The following ICMT variants were observed in gnomAD, a reference collection of about 807,000 sequenced individuals.
ICMT encodes protein-S-isoprenylcysteine O-methyltransferase.
Under a neutral mutation model 32.2 loss-of-function variants are expected in ICMT, and 10 were observed. That is an observed-to-expected ratio of 0.31 (90% CI 0.19 to 0.53). The LOEUF is 0.53. Among genes scored for constraint, ICMT ranks in the 20% least tolerant of loss-of-function variants. ICMT has a pLI of 0.96. For synonymous variants in ICMT, 183 were observed against 158.2 expected, an observed-to-expected ratio of 1.16 and a Z score of -1.18; for missense variants, 265 against 356.9, an observed-to-expected ratio of 0.74 and a Z score of 2.07.
chr1:6,225,374 G>A, intron 4 of ICMT, 112 bp from the exon 5 acceptor site: 5 of 995,012 alleles, frequency 5.0e-6, no homozygotes, highest in Non-Finnish European at 7.5e-6. Context: ...GCCCTGCTGA[G>A]ACCGTCAGGG....
intron 4 of ICMT, among the ~76,000 whole-genome samples, chr1:6,225,646 G>GGCCTCTGCCTCCTAAACCCACA (rs1250787980): frequency 6.6e-6 from 1 of 151,948 alleles, no homozygotes; most frequent in Non-Finnish European, 1.5e-5. Flanking sequence ...CAGCTGCCTG[G>GGCCTCTGCCTCCTAAACCCACA]GCCTCTGCCT....
At chr1:6,226,165 G>T (rs1390199488) in intron 4 of ICMT, among the ~76,000 whole-genome samples, 1 of 152,164 alleles carries the variant, frequency 6.6e-6, no homozygotes, top group Non-Finnish European at 1.5e-5. Context: ...GGAGGCCAAG[G>T]AGGGCAGATC....
rs562770260 is a variant in ICMT at position 6,227,555 on chromosome 1, C to G, written c.673-2293G>C. Among the ~76,000 whole-genome samples the G allele has an allele frequency of 2.0e-5, 3 of 152,294 alleles. No individual in the cohort carries two copies. The Middle Eastern group carries it at 0.01, about 522-fold the overall frequency. On this transcript the variant is annotated intron_variant, in intron 4 of 4. Transcript: ENST00000343813. ...GGACCAAGAGTAAAGAATCAAGAAA[C>G]AGTTTCAAGAAATAAGGCGGCCAGG...
rs778096256 is a variant in ICMT, at chr1:6,224,021, TGA to T, written c.*1057_*1058del. 3 of 152,204 alleles carry T rather than the reference TGA, an allele frequency of 2.0e-5. No individual in the cohort carries two copies. Among genetic ancestry groups the T allele is most frequent in the Admixed American group, 6.5e-5 (1 of 15,282 alleles). The allele number at this position is 152,204 out of a possible 1,614,324, so 9.4% of individuals were successfully genotyped here. A position where few individuals can be genotyped will look rare whatever the true frequency, so the allele number is the denominator to read the frequency against. The stretch of plus-strand genomic sequence containing the variant: ...TATTTGCAGTATTTAAGATTATTTT[TGA>T]GAGTCAATCTGCTTGGATTTGTAGT... On this transcript the variant is annotated 3_prime_UTR_variant, in exon 5 of 5. Coordinates refer to ENST00000343813, the MANE Select transcript of ICMT (RefSeq NM_012405.4).
In ICMT at chr1:6,233,470, G is replaced by A. The variant is rs774715827; in HGVS notation, c.454+4C>T. The A allele has an allele frequency of 4.3e-6, 7 of 1,612,204 alleles. No individual in the cohort carries two copies. The highest frequency in any genetic ancestry group is 2.2e-5 in the East Asian group (1 of 44,862). ...CTCCAGAGGGGGACATAAGGCACAC[G>A]AACCTGGCCAAAAGATATTTTCAAG... On this transcript the variant is annotated splice_donor_region_variant and intron_variant, in intron 3 of 4. Transcript: ENST00000343813.
intron 4 of ICMT, among the ~76,000 whole-genome samples, chr1:6,229,664 G>A (rs1045434077): frequency 6.6e-6 from 1 of 151,800 alleles, no homozygotes; most frequent in Non-Finnish European, 1.5e-5. Context: ...AAGGTGGGAG[G>A]ATCACTTGAG....
intron 4 of ICMT, among the ~76,000 whole-genome samples, chr1:6,227,804 C>G (rs1025661102): frequency 6.6e-6 from 1 of 150,628 alleles, no homozygotes; most frequent in African/African-American, 2.4e-5. Flanking sequence ...TGCAGTGAGC[C>G]GAGATTGCGC....
intron 4 of ICMT, among the ~76,000 whole-genome samples, chr1:6,227,912 A>AAT (rs138432522): frequency 0.01 from 1,566 of 152,258 alleles, 17 homozygotes; most frequent in African/African-American, 0.035. Flanking sequence ...TCATGCCTGT[A>AAT]ATCCCAGCAT....
rs777396092 is a variant in ICMT, at chr1:6,225,262, C to T, written c.673G>A (p.Val225Met). 4.3e-6 allele frequency: 7 copies of T among 1,612,118 alleles called. No individual in the cohort carries two copies. Among genetic ancestry groups the T allele is most frequent in the East Asian group, 2.2e-5 (1 of 44,864 alleles). The stretch of plus-strand genomic sequence containing the variant: ...CCGCAGATGGGGTTACACAGCATCA[C>T]CTAACAGAGGGAGACACCAGGCTCA... Reference protein sequence around the residue: ...GWFYWSIGTQVMLCNPICGVS... With the variant: ...GWFYWSIGTQMMLCNPICGVS... Residue 225 changes from valine (V) to methionine (M), a missense_variant and splice_region_variant, in exon 5 of 5, where the codon GTG becomes ATG. Physicochemically the swap from Val to Met is conservative, Grantham distance 21 (BLOSUM62 1). Coordinates refer to ENST00000343813, the MANE Select transcript of ICMT (RefSeq NM_012405.4).
intron 1 of ICMT, 74 bp downstream of exon 1, chr1:6,235,643 A>G: frequency 4.0e-6 from 4 of 1,012,420 alleles, no homozygotes; most frequent in Non-Finnish European, 3.7e-6. Flanking sequence ...CCCGGGGAGA[A>G]AGGTGCCCAC....
intron 4 of ICMT, among the ~76,000 whole-genome samples, chr1:6,228,323 A>G (rs75967030): frequency 0.011 from 1,618 of 149,474 alleles, 15 homozygotes; most frequent in Non-Finnish European, 0.013. Flanking sequence ...GGTTCTCACT[A>G]TGTTGGCCAA....
At chr1:6,235,619 GA>G in intron 1 of ICMT, 97 bp downstream of exon 1, 1 of 804,740 alleles carries the variant, frequency 1.2e-6, no homozygotes, top group Non-Finnish European at 1.6e-6. Flanking sequence ...GCGCGCGTGG[GA>G]GGCCACTGCG....
At chr1:6,230,660 C>T (rs1242721165) in intron 4 of ICMT, among the ~76,000 whole-genome samples, 4 of 147,216 alleles carry the variant, frequency 2.7e-5, no homozygotes, top group Non-Finnish European at 5.9e-5. Context: ...GAGGCCGAGG[C>T]GGGCAGATCA....
chr1:6,233,695 C>T, intron 2 of ICMT, 52 bp from the exon 3 acceptor site: 1 of 1,480,000 alleles, frequency 6.8e-7, no homozygotes, highest in Non-Finnish European at 9.3e-7. Context: ...CCAAGTTAAC[C>T]ATAAGTGCAC....
At position 6,235,791 on chromosome 1, in the gene ICMT, G is replaced by C; in HGVS notation, c.121C>G (p.Arg41Gly). The change falls in exon 1 of 5, where the codon CGC becomes GGC. Residue 41 changes from arginine to glycine, a missense_variant. By Grantham distance (125) the Arg-to-Gly change is moderately radical. This residue lies in a region of ICMT where 99 missense variants were observed against 92.6 expected (regional missense o/e 1.07). Transcript: ENST00000343813. The part of the protein sequence containing the change: ...PLLTRAGLQG[R>G]TGLALYVAGL... ...GCCACGTAGAGCGCCAGCCCGGTGC[G>C]GCCCTGCAGGCCGGCGCGCGTGAGC... 1.4e-5 allele frequency: 18 copies of C among 1,327,204 alleles called. No homozygotes were observed. The highest frequency in any genetic ancestry group is 1.6e-5 in the Non-Finnish European group (16 of 1,030,064). 82.2% of individuals were successfully genotyped at this position (1,327,204 alleles called of 1,614,324 possible). A position where few individuals can be genotyped will look rare whatever the true frequency, so the allele number is the denominator to read the frequency against.
At position 6,233,454 on chromosome 1, in the gene ICMT, G is replaced by T; in HGVS notation, c.454+20C>A. The T allele has an allele frequency of 1.2e-6, 2 of 1,606,286 alleles. No homozygotes were observed. Among genetic ancestry groups the T allele is most frequent in the South Asian group, 2.2e-5 (2 of 89,818 alleles). On this transcript the variant is annotated intron_variant, in intron 3 of 4. Coordinates refer to ENST00000343813, the MANE Select transcript of ICMT (RefSeq NM_012405.4). ...GAGCCACCCTTTTCCCCTCCAGAGG[G>T]GGACATAAGGCACACGAACCTGGCC...
chr1:6,229,203 G>A (rs2100964027), intron 4 of ICMT, among the ~76,000 whole-genome samples: 1 of 152,280 alleles, frequency 6.6e-6, no homozygotes, highest in East Asian at 1.9e-4. Flanking sequence ...CAGGGGCTGG[G>A]CATGGTGGCT....
intron 2 of ICMT, chr1:6,234,654 T>C (rs1668789319): frequency 1.8e-6 from 1 of 557,064 alleles, no homozygotes; most frequent in Admixed American, 2.9e-5. Flanking sequence ...GACAGCACCT[T>C]TGGGGGTGCC....
rs536919162 is a variant in ICMT, at chr1:6,221,565, G to T, written c.*3515C>A. 2.0e-5 allele frequency: 3 copies of T among 152,720 alleles called. No homozygotes were observed. The highest frequency in any genetic ancestry group is 4.4e-5 in the Non-Finnish European group (3 of 68,052). The allele number at this position is 152,720 out of a possible 1,614,324, so 9.5% of individuals were successfully genotyped here. A position where few individuals can be genotyped will look rare whatever the true frequency, so the allele number is the denominator to read the frequency against. Reference sequence around the variant, plus strand: ...GGGACAGTGGTGTGCTGTGCGTATCGTGGGGGTACTCCTAAGCAGCTAGCT... The same window carrying T: ...GGGACAGTGGTGTGCTGTGCGTATCTTGGGGGTACTCCTAAGCAGCTAGCT... On this transcript the variant is annotated 3_prime_UTR_variant, in exon 5 of 5. Transcript: ENST00000343813.
Sources: allele counts gnomAD v4.1 joint callset (sites outside exome capture counted in the v4.1 genomes callset), GRCh38; gene constraint gnomAD v4.1.1; regional missense constraint gnomAD v4.1.1; transcripts MANE v1.5; gene names NCBI Gene and HGNC (gene_info 2026-07-23, HGNC 2026-07-21).